PCLO: variants seen among roughly 807,000 people sequenced by gnomAD.
PCLO encodes protein piccolo.
Under a neutral mutation model 427.5 loss-of-function variants are expected in PCLO, and 82 were observed. The observed-to-expected ratio is 0.19, with a 90% CI of 0.16 to 0.23. PCLO has a LOEUF of 0.23. Ranked by LOEUF, PCLO falls within the 10% of genes least tolerant of loss-of-function variation. The probability of loss-of-function intolerance (pLI) is 1.00; values close to 1 mark genes in which losing one functional copy is unlikely to be tolerated. For missense variants in PCLO, 6,239 were observed against 6,115.9 expected (o/e 1.02, Z -0.67); for synonymous variants, 2,357 against 2,155.4 (o/e 1.09, Z -2.59).
At chr7:82,980,509 T>C (rs1343505060) in intron 3 of PCLO, among the ~76,000 whole-genome samples, 1 of 152,156 alleles carries the variant, frequency 6.6e-6, no homozygotes, top group African/African-American at 2.4e-5. Context: ...TAAAGAAATG[T>C]ACCCTAAAGA....
At chr7:82,790,406 A>G (rs999357732) in intron 22 of PCLO, among the ~76,000 whole-genome samples, 1 of 152,190 alleles carries the variant, frequency 6.6e-6, no homozygotes, top group Admixed American at 6.5e-5. Flanking sequence ...CCACAAGTTC[A>G]CCAATATCAC....
intron 1 of PCLO, among the ~76,000 whole-genome samples, chr7:83,159,698 T>G (rs143756139): frequency 2.0e-5 from 3 of 152,170 alleles, no homozygotes; most frequent in African/African-American, 7.2e-5. Flanking sequence ...ATAAAATTTT[T>G]CATAAATGGA....
chr7:83,023,771 T>C (rs1467901409), intron 3 of PCLO, among the ~76,000 whole-genome samples: 2 of 152,228 alleles, frequency 1.3e-5, no homozygotes, highest in African/African-American at 4.8e-5. Flanking sequence ...AAACATGTCT[T>C]ATGCCCACCA....
At chr7:83,124,154 CAA>C (rs897325438) in intron 3 of PCLO, among the ~76,000 whole-genome samples, 2 of 136,680 alleles carry the variant, frequency 1.5e-5, no homozygotes, top group African/African-American at 2.7e-5. Context: ...ACAAAAAATA[CAA>C]AAAAAAAAAA....
intron 6 of PCLO, among the ~76,000 whole-genome samples, chr7:82,924,964 T>C (rs1259641522): frequency 6.6e-6 from 1 of 152,138 alleles, no homozygotes; most frequent in Non-Finnish European, 1.5e-5. Context: ...TCCCTCTAAC[T>C]GTACAAGAAA....
At chr7:83,066,068 C>G (rs2116333558) in intron 3 of PCLO, among the ~76,000 whole-genome samples, 1 of 152,228 alleles carries the variant, frequency 6.6e-6, no homozygotes, top group African/African-American at 2.4e-5. Flanking sequence ...CTGAAGCTCT[C>G]TAATCCTTTC....
At chr7:82,772,740 T>G (rs1454908460) in intron 22 of PCLO, among the ~76,000 whole-genome samples, 1 of 151,942 alleles carries the variant, frequency 6.6e-6, no homozygotes, top group Non-Finnish European at 1.5e-5. Flanking sequence ...TCCTTCAGTG[T>G]TTTTTTGGCA....
intron 3 of PCLO, among the ~76,000 whole-genome samples, chr7:82,977,777 C>A (rs1583864034): frequency 6.6e-6 from 1 of 152,164 alleles, no homozygotes; most frequent in Admixed American, 6.6e-5. Context: ...CACCCATGAG[C>A]CATTGATCCA....
chr7:83,077,885 G>A (rs1789996676), intron 3 of PCLO, among the ~76,000 whole-genome samples: 3 of 152,066 alleles, frequency 2.0e-5, no homozygotes, highest in Admixed American at 2.0e-4. Flanking sequence ...AGTTAGAACA[G>A]GTAAGTCTAA....
chr7:83,077,607 AT>A (rs1789988927), intron 3 of PCLO, among the ~76,000 whole-genome samples: 1 of 152,130 alleles, frequency 6.6e-6, no homozygotes, highest in Admixed American at 6.5e-5. Flanking sequence ...TACATGCATT[AT>A]TTTAGTAATA....
At chr7:82,852,660 C>G (rs1345689333) in intron 10 of PCLO, among the ~76,000 whole-genome samples, 1 of 152,106 alleles carries the variant, frequency 6.6e-6, no homozygotes, top group African/African-American at 2.4e-5. Context: ...GATGGCCTAT[C>G]ATGCGACTTT....
chr7:83,096,769 A>G (rs1443028027), intron 3 of PCLO, among the ~76,000 whole-genome samples: 1 of 81,774 alleles, frequency 1.2e-5, no homozygotes, highest in African/African-American at 4.4e-5. Context: ...AATATATTAT[A>G]TATTATATAA....
At chr7:82,859,430 G>C (rs753869540) in intron 10 of PCLO, among the ~76,000 whole-genome samples, 2 of 152,222 alleles carry the variant, frequency 1.3e-5, no homozygotes, top group African/African-American at 2.4e-5. Context: ...ATGTTTGGGA[G>C]AAAGTAAGAG....
chr7:83,138,940 C>G (rs947496335), intron 2 of PCLO, among the ~76,000 whole-genome samples: 1 of 151,420 alleles, frequency 6.6e-6, no homozygotes, highest in Non-Finnish European at 1.5e-5. Flanking sequence ...CACACCTGCA[C>G]GTTCTGCACA....
At chr7:82,851,252 G>GGCATTGAGA (rs1345612080) in intron 10 of PCLO, among the ~76,000 whole-genome samples, 2 of 151,606 alleles carry the variant, frequency 1.3e-5, no homozygotes, top group Non-Finnish European at 2.9e-5. Context: ...AAGAGAAATA[G>GGCATTGAGA]GCATTGAGAG....
chr7:82,895,293 GA>G (rs57289810), intron 9 of PCLO, among the ~76,000 whole-genome samples: 5,950 of 151,156 alleles, frequency 0.039, 398 homozygotes, highest in African/African-American at 0.13. Context: ...GAATAAAAAT[GA>G]AAAAAAATGC....
intron 6 of PCLO, among the ~76,000 whole-genome samples, chr7:82,939,528 G>A (rs531704696): frequency 6.6e-6 from 1 of 151,260 alleles, no homozygotes; most frequent in Non-Finnish European, 1.5e-5. Flanking sequence ...AGGGATATGT[G>A]TGTGTAGAAA....
rs116261519 is a variant in PCLO, at chr7:82,867,578, C to T, written c.13654+11759G>A. 6.5e-3 allele frequency among the ~76,000 whole-genome samples: 989 copies of T among 152,090 alleles called. 16 individuals carry two copies. The highest frequency in any genetic ancestry group is 0.022 in the African/African-American group (916 of 41,516). On this transcript the variant is annotated intron_variant, in intron 10 of 24. Coordinates refer to ENST00000333891, the MANE Select transcript of PCLO (RefSeq NM_033026.6). ...TTCCAAAGTAACCACTCCAAGCTTA[C>T]GAAAAAGTGCAGTCTATTCCAAGAA...
At chr7:83,146,225 A>T (rs1791990265) in intron 2 of PCLO, among the ~76,000 whole-genome samples, 1 of 152,188 alleles carries the variant, frequency 6.6e-6, no homozygotes, top group Non-Finnish European at 1.5e-5. Context: ...AGGTAACAAG[A>T]TATACTTTTC....
Sources: gnomAD v4.1 joint callset for allele counts (sites outside exome capture counted in the v4.1 genomes callset) on GRCh38, gnomAD v4.1.1 for gene constraint, MANE v1.5 for transcripts, NCBI Gene and HGNC (gene_info 2026-07-23, HGNC 2026-07-21) for gene names.